The following SNTG1 variants were observed in gnomAD, a reference collection of about 807,000 sequenced individuals.
SNTG1 encodes syntrophin gamma 1.
Under a neutral mutation model 74.7 loss-of-function variants are expected in SNTG1, and 39 were observed. That is an observed-to-expected ratio of 0.52 (90% CI 0.40 to 0.68). SNTG1 has a LOEUF of 0.68. SNTG1 is among the 30% of genes least tolerant of loss of function. The probability of loss-of-function intolerance (pLI) is 0.00; values close to 1 mark genes in which losing one functional copy is unlikely to be tolerated. For missense variants in SNTG1, 685 were observed against 609.5 expected, an observed-to-expected ratio of 1.12 and a Z score of -1.30; for synonymous variants, 254 against 217.1, an observed-to-expected ratio of 1.17 and a Z score of -1.49.
At chr8:50,390,682 T>C (rs932490350) in intron 2 of SNTG1, among the ~76,000 whole-genome samples, 1 of 152,224 alleles carries the variant, frequency 6.6e-6, no homozygotes, top group Admixed American at 6.5e-5. Context: ...TTTCATGATA[T>C]TGATTCTTCC....
chr8:50,325,013 C>G (rs1161613609), intron 2 of SNTG1, among the ~76,000 whole-genome samples: 1 of 146,596 alleles, frequency 6.8e-6, no homozygotes, highest in Non-Finnish European at 1.5e-5. Flanking sequence ...TACACACACA[C>G]ACACAGACAC....
intron 1 of SNTG1, among the ~76,000 whole-genome samples, chr8:50,048,357 T>C (rs747754265): frequency 6.6e-6 from 1 of 152,092 alleles, no homozygotes; most frequent in Non-Finnish European, 1.5e-5. Context: ...AAATAAGAAA[T>C]CTGACAACTT....
intron 1 of SNTG1, among the ~76,000 whole-genome samples, chr8:50,153,810 C>T (rs1398524192): frequency 6.6e-6 from 1 of 152,138 alleles, no homozygotes; most frequent in Non-Finnish European, 1.5e-5. Context: ...TCAGTCTGCC[C>T]CCTACTGGGG....
At chr8:49,915,821 G>C (rs564157983) in intron 1 of SNTG1, among the ~76,000 whole-genome samples, 2 of 152,302 alleles carry the variant, frequency 1.3e-5, no homozygotes, top group African/African-American at 2.4e-5. Context: ...GCTGATCTAA[G>C]GGGCTAGCCT....
intron 13 of SNTG1, among the ~76,000 whole-genome samples, chr8:50,594,891 A>C (rs1057481076): frequency 2.0e-5 from 3 of 152,086 alleles, no homozygotes; most frequent in Non-Finnish European, 4.4e-5. Context: ...TGGCATTATA[A>C]CTGGACCTGG....
rs774468873 is a variant in SNTG1 at position 50,257,305 on chromosome 8, G to A, written c.-28+84670G>A. On this transcript the variant is annotated intron_variant, in intron 2 of 18. Coordinates refer to ENST00000642720, the MANE Select transcript of SNTG1 (RefSeq NM_018967.5). ...TAGGGTGTAGTTTTCTTGCCAGGAG[G>A]AGAAAACTAAAAAGGACAAATGCTG... Among the ~76,000 whole-genome samples the A allele has an allele frequency of 7.2e-5, 11 of 152,220 alleles. No homozygotes were observed. In the South Asian group the frequency reaches 2.3e-3, roughly 32 times the overall value.
intron 15 of SNTG1, among the ~76,000 whole-genome samples, chr8:50,682,898 AC>A (rs2095336922): frequency 6.6e-6 from 1 of 152,190 alleles, no homozygotes; most frequent in Non-Finnish European, 1.5e-5. Flanking sequence ...TTACTCTTTT[AC>A]TTCACGCCTA....
chr8:50,408,503 G>A (rs2092908158), intron 4 of SNTG1, among the ~76,000 whole-genome samples: 1 of 152,256 alleles, frequency 6.6e-6, no homozygotes, highest in Non-Finnish European at 1.5e-5. Flanking sequence ...TCTGGGATAG[G>A]GAGTTAGTGG....
chr8:50,371,788 A>C (rs1193796336), intron 2 of SNTG1, among the ~76,000 whole-genome samples: 1 of 152,112 alleles, frequency 6.6e-6, no homozygotes, highest in South Asian at 2.1e-4. Flanking sequence ...TCGTTACATC[A>C]TGTCCTACTT....
intron 15 of SNTG1, among the ~76,000 whole-genome samples, chr8:50,673,479 T>C (rs11984469): frequency 1.8e-3 from 270 of 152,258 alleles, no homozygotes; most frequent in African/African-American, 5.7e-3. Context: ...TCTCTGCTTG[T>C]CTATTGTTGG....
chr8:50,283,904 G>A (rs1446010685), intron 2 of SNTG1, among the ~76,000 whole-genome samples: 2 of 152,112 alleles, frequency 1.3e-5, no homozygotes, highest in African/African-American at 2.4e-5. Flanking sequence ...CCTGCACACA[G>A]TATCGTTTAT....
In SNTG1 at chr8:49,911,763, C is replaced by T. The variant is rs1482370394; in HGVS notation, c.-571C>T. ...AGCCACAGGGACGGAACTACGCTGCCGCCGCCGCTGTCCTTGCCGCCACTG... is the reference window on the plus strand; with the variant it reads ...AGCCACAGGGACGGAACTACGCTGCTGCCGCCGCTGTCCTTGCCGCCACTG... On this transcript the variant is annotated 5_prime_UTR_variant, in exon 1 of 19. Coordinates refer to ENST00000642720, the MANE Select transcript of SNTG1 (RefSeq NM_018967.5). The T allele has an allele frequency of 2.0e-5, 3 of 152,180 alleles. No homozygotes were observed. Among genetic ancestry groups the T allele is most frequent in the Non-Finnish European group, 2.9e-5 (2 of 68,054 alleles). The allele number at this position is 152,180 out of a possible 1,614,324, so 9.4% of individuals were successfully genotyped here. A position where few individuals can be genotyped will look rare whatever the true frequency, so the allele number is the denominator to read the frequency against.
chr8:50,528,461 A>G (rs1000826304), intron 9 of SNTG1, among the ~76,000 whole-genome samples: 2 of 151,862 alleles, frequency 1.3e-5, no homozygotes, highest in African/African-American at 4.8e-5. Flanking sequence ...TTTAAAATGG[A>G]TTTTGAATGT....
At chr8:50,651,565 C>T (rs1348267812) in intron 13 of SNTG1, among the ~76,000 whole-genome samples, 1 of 151,524 alleles carries the variant, frequency 6.6e-6, no homozygotes, top group Non-Finnish European at 1.5e-5. Context: ...TCAAGCGATT[C>T]TCCTGCCTCA....
chr8:50,693,118 G>C (rs987111811), intron 15 of SNTG1, among the ~76,000 whole-genome samples: 2 of 152,154 alleles, frequency 1.3e-5, no homozygotes, highest in African/African-American at 4.8e-5. Flanking sequence ...CAGTATTAGG[G>C]TGGGAGTGAC....
rs114355457 is a variant in SNTG1, at chr8:50,339,680, C to A, written c.-27-54532C>A. Among the ~76,000 whole-genome samples the A allele has an allele frequency of 5.4e-3, 819 of 151,320 alleles. 11 individuals are homozygous for A. Among genetic ancestry groups the A allele is most frequent in the African/African-American group, 0.019 (785 of 41,350 alleles). ...ACTAAGAGGGAAGTAAAAATGGAGT[C>A]ATAAAAAGCTCAATTACAACCTGAG... On this transcript the variant is annotated intron_variant, in intron 2 of 18. Transcript: ENST00000642720.
chr8:50,660,715 C>G lies in SNTG1; in HGVS notation c.1038+2052C>G, dbSNP rs1038403929. On this transcript the variant is annotated intron_variant, in intron 15 of 18. Transcript: ENST00000642720. ...TTTAAATCCTCTCTTTTAAAAAAAG[C>G]TATTTAAACATTAGAACATAATGCA... Among the ~76,000 whole-genome samples, 3 of 152,152 alleles carry G rather than the reference C, an allele frequency of 2.0e-5. No homozygotes were observed. In the East Asian group the frequency reaches 5.8e-4, roughly 29 times the overall value.
intron 1 of SNTG1, among the ~76,000 whole-genome samples, chr8:49,942,761 A>G (rs1008027196): frequency 1.3e-5 from 2 of 152,214 alleles, no homozygotes; most frequent in Non-Finnish European, 2.9e-5. Flanking sequence ...GGAAGACCAC[A>G]GAGGTAAATT....
At chr8:50,180,940 T>C (rs552857566) in intron 2 of SNTG1, among the ~76,000 whole-genome samples, 3 of 152,120 alleles carry the variant, frequency 2.0e-5, no homozygotes, top group Admixed American at 2.0e-4. Flanking sequence ...TTTTTTGTAT[T>C]TTTAGTAGAG....
Sources: gnomAD v4.1 joint callset for allele counts (sites outside exome capture counted in the v4.1 genomes callset) on GRCh38, gnomAD v4.1.1 for gene constraint, MANE v1.5 for transcripts, NCBI Gene and HGNC (gene_info 2026-07-23, HGNC 2026-07-21) for gene names.